PCF11: variants seen among roughly 807,000 people sequenced by gnomAD.
PCF11 encodes pre-mRNA cleavage complex 2 protein Pcf11.
In PCF11, 19 loss-of-function variants were observed where a neutral mutation model predicts 166.1. That is an observed-to-expected ratio of 0.11 (90% CI 0.08 to 0.17). The LOEUF is 0.17. PCF11 is among the 10% of genes least tolerant of loss of function. The pLI is 1.00. For synonymous variants in PCF11, 663 were observed against 644.1 expected, an observed-to-expected ratio of 1.03 and a Z score of -0.44; for missense variants, 1,565 against 1,855.5, an observed-to-expected ratio of 0.84 and a Z score of 2.88.
intron 8 of PCF11, 103 bp downstream of exon 8, chr11:83,170,098 A>G: frequency 2.0e-6 from 2 of 1,023,116 alleles, no homozygotes; most frequent in African/African-American, 1.6e-5. Context: ...TAGATTGGAA[A>G]GAAGTTTTTA....
intron 1 of PCF11, 55 bp from the exon 2 acceptor site, chr11:83,161,272 A>G (rs1317375026): frequency 6.9e-7 from 1 of 1,441,484 alleles, no homozygotes; most frequent in African/African-American, 1.4e-5. Context: ...TCATTTTTAA[A>G]TAATTATTTG....
chr11:83,160,474 A>G (rs1340691368), intron 1 of PCF11, among the ~76,000 whole-genome samples: 1 of 151,886 alleles, frequency 6.6e-6, no homozygotes, highest in Non-Finnish European at 1.5e-5. Flanking sequence ...TGTGCCTTCT[A>G]AAAGCCAGTG....
exon 16 of PCF11, chr11:83,184,923 T>G (rs1163533143): frequency 2.7e-6 from 4 of 1,463,668 alleles, no homozygotes; most frequent in Non-Finnish European, 3.7e-6. Flanking sequence ...GTTTTTCTTT[T>G]TTAAAAAAGC....
intron 2 of PCF11, among the ~76,000 whole-genome samples, chr11:83,162,786 T>C (rs1286316679): frequency 6.6e-6 from 1 of 152,248 alleles, no homozygotes; most frequent in African/African-American, 2.4e-5. Flanking sequence ...TTCTTTTTTT[T>C]GTTTTGAGAT....
chr11:83,159,568 T>C (rs1206380251), intron 1 of PCF11, among the ~76,000 whole-genome samples: 1 of 152,180 alleles, frequency 6.6e-6, no homozygotes, highest in Non-Finnish European at 1.5e-5. Flanking sequence ...TGAAAATAGA[T>C]GAGCTCTTTG....
chr11:83,186,532 A>T (rs1195112618), exon 16 of PCF11: 1 of 152,230 alleles, frequency 6.6e-6, no homozygotes, highest in African/African-American at 2.4e-5. Context: ...CCACGTGCCC[A>T]GCCTTTATTT....
chr11:83,162,930 A>C (rs954604238), intron 2 of PCF11, among the ~76,000 whole-genome samples: 1 of 152,160 alleles, frequency 6.6e-6, no homozygotes, highest in Non-Finnish European at 1.5e-5. Context: ...ATGAGCCATC[A>C]TGCCTGGCTA....
At chr11:83,165,706 A>G (rs1299501622) in exon 5 of PCF11, 2 of 1,613,690 alleles carry the variant, frequency 1.2e-6, no homozygotes, top group Non-Finnish European at 1.7e-6. Context: ...AAAGCTCCTC[A>G]TCAGGTTCCT....
intron 11 of PCF11, among the ~76,000 whole-genome samples, chr11:83,178,364 G>T (rs1860957944): frequency 6.6e-6 from 1 of 152,004 alleles, no homozygotes; most frequent in Non-Finnish European, 1.5e-5. Flanking sequence ...AAAACTTAGG[G>T]AGTTTAAATA....
rs1860549254 is a variant in PCF11, at chr11:83,168,407, A to G, written c.2093-21A>G. The G allele has an allele frequency of 3.2e-6, 5 of 1,546,248 alleles. No homozygotes were observed. The South Asian group carries it at 5.0e-5, about 15-fold the overall frequency. On this transcript the variant is annotated intron_variant, in intron 7 of 15. Coordinates refer to ENST00000298281, the Ensembl canonical transcript of PCF11. Reference sequence around the variant, plus strand: ...ATTTTAAGATAACTTTAGTGAAAATAATTTTTTTCCTTTTTAAAAGGTGTG... The same window carrying G: ...ATTTTAAGATAACTTTAGTGAAAATGATTTTTTTCCTTTTTAAAAGGTGTG...
At chr11:83,186,066 G>C (rs1049632577) in exon 16 of PCF11, 1 of 152,190 alleles carries the variant, frequency 6.6e-6, no homozygotes, top group Non-Finnish European at 1.5e-5. Context: ...CCACTTTACA[G>C]ATGAAATTAA....
At chr11:83,165,874 A>C (rs1415564576) in exon 5 of PCF11, 2 of 1,605,520 alleles carry the variant, frequency 1.2e-6, no homozygotes, top group African/African-American at 1.3e-5. Flanking sequence ...AACCAGTCTG[A>C]TACTAAGACA....
At chr11:83,183,635 C>T (rs781384378) in intron 15 of PCF11, among the ~76,000 whole-genome samples, 4 of 151,912 alleles carry the variant, frequency 2.6e-5, no homozygotes, top group South Asian at 2.1e-4. Context: ...GGATTACAGG[C>T]GTGCACCACC....
intron 14 of PCF11, 32 bp from the exon 15 acceptor site, chr11:83,183,006 G>T: frequency 8.4e-7 from 1 of 1,197,580 alleles, no homozygotes. Flanking sequence ...AAATGAATAC[G>T]CACATATTTA....
chr11:83,186,718 G>A (rs1198813009), exon 16 of PCF11: 3 of 152,178 alleles, frequency 2.0e-5, no homozygotes, highest in African/African-American at 7.2e-5. Context: ...GAGGTCCAGT[G>A]GGAAAACTGG....
chr11:83,161,081 G>A (rs536044873), intron 1 of PCF11, among the ~76,000 whole-genome samples: 4 of 152,290 alleles, frequency 2.6e-5, no homozygotes, highest in Admixed American at 1.3e-4. Flanking sequence ...ATTTCATTGA[G>A]TGTTAAATGA....
chr11:83,169,357 T>C (rs751611565), exon 8 of PCF11: 2 of 1,613,704 alleles, frequency 1.2e-6, no homozygotes, highest in Admixed American at 3.3e-5. Flanking sequence ...TGGAATGAGG[T>C]TTGAGGGTCC....
chr11:83,164,471 T>G, intron 4 of PCF11, 70 bp downstream of exon 4: 1 of 1,100,548 alleles, frequency 9.1e-7, no homozygotes, highest in Non-Finnish European at 1.3e-6. Flanking sequence ...TGTTTATGTT[T>G]GAATTTTATT....
chr11:83,162,555 C>T (rs753190233), intron 2 of PCF11, among the ~76,000 whole-genome samples: 8 of 152,168 alleles, frequency 5.3e-5, no homozygotes, highest in Non-Finnish European at 1.0e-4. Flanking sequence ...CTCTTGGTTT[C>T]GGTTTCAGTA....
Sources: gnomAD v4.1 joint callset for allele counts (sites outside exome capture counted in the v4.1 genomes callset) on GRCh38, gnomAD v4.1.1 for gene constraint, MANE v1.5 for transcripts, NCBI Gene and HGNC (gene_info 2026-07-23, HGNC 2026-07-21) for gene names.